The following KHNYN variants were observed in gnomAD, a reference collection of about 807,000 sequenced individuals.
KHNYN encodes the protein KH and NYN domain containing.
In KHNYN, 42 loss-of-function variants were observed where a neutral mutation model predicts 62.7. The ratio of observed to expected loss-of-function variants is 0.67; its 90% confidence interval spans 0.52 to 0.87. KHNYN has a LOEUF of 0.87. Ranked by LOEUF, KHNYN falls within the 40% of genes least tolerant of loss-of-function variation. The pLI, the probability that KHNYN is intolerant of heterozygous loss-of-function variation, is 0.00. For missense variants in KHNYN, 829 were observed against 874.1 expected (o/e 0.95, Z 0.65); for synonymous variants, 347 against 345.6 (o/e 1.00, Z -0.04).
In KHNYN at chr14:24,437,866, C is replaced by A. The variant is rs1368275082; in HGVS notation, c.*581C>A. 1 of 152,264 alleles carries A rather than the reference C, an allele frequency of 6.6e-6. No individual in the cohort carries two copies. Among genetic ancestry groups the A allele is most frequent in the Non-Finnish European group, 1.5e-5 (1 of 68,062 alleles). The allele number at this position is 152,264 out of a possible 1,614,324, so 9.4% of individuals were successfully genotyped here. ...CCTTGATTGAGTTGCTTGGGCTTTA[C>A]TTCTGCCTACAAATCAGGGGTAAAA... On this transcript the variant is annotated 3_prime_UTR_variant, in exon 8 of 8. Coordinates refer to ENST00000553935, the MANE Select transcript of KHNYN (RefSeq NM_015299.3). This position sits in a 1 kb window ranked among gnomAD's most constrained non-coding sequence, Gnocchi z 5.5.
chr14:24,428,886 C>T, upstream of KHNYN: 1 of 1,596,464 alleles, frequency 6.3e-7, no homozygotes, highest in Non-Finnish European at 8.5e-7. Flanking sequence ...CCGGGCCCCC[C>T]TGCAGCAGCT....
upstream of KHNYN, among the ~76,000 whole-genome samples, chr14:24,428,601 C>T (rs1010219480): frequency 8.7e-5 from 13 of 150,158 alleles, no homozygotes; most frequent in African/African-American, 2.5e-4. Context: ...GAGGGGAAAC[C>T]GTCGGTGGGG....
At chr14:24,423,185 AAGG>A in the KHNYN span, among the ~76,000 whole-genome samples, 2 of 152,164 alleles carry the variant, frequency 1.3e-5, no homozygotes, top group African/African-American at 4.8e-5. Context: ...ATTTTGCTTT[AAGG>A]AGGAGATGAG....
rs2043339960 is a variant in KHNYN, at chr14:24,441,603, C to G, written c.*4318C>G. 1.1e-5 allele frequency: 14 copies of G among 1,323,222 alleles called. No homozygotes were observed. Among genetic ancestry groups the G allele is most frequent in the Non-Finnish European group, 1.4e-5 (13 of 957,342 alleles). The allele number at this position is 1,323,222 out of a possible 1,614,324, so 82.0% of individuals were successfully genotyped here. A position where few individuals can be genotyped will look rare whatever the true frequency, so the allele number is the denominator to read the frequency against. ...GAAAAGACCAGTGCTCTGGTGTGTG[C>G]ATAGCTACAGAGGTCTGAGTTACCC... On this transcript the variant is annotated 3_prime_UTR_variant, in exon 8 of 8. Coordinates refer to ENST00000553935, the MANE Select transcript of KHNYN (RefSeq NM_015299.3).
the KHNYN span, among the ~76,000 whole-genome samples, chr14:24,423,490 TGTG>T: frequency 6.7e-6 from 1 of 149,360 alleles, no homozygotes; most frequent in African/African-American, 2.5e-5. Flanking sequence ...AGTTTGTAAG[TGTG>T]GTGGTGGGCA....
Position 24,441,641 on chromosome 14 carries a change from G to A in KHNYN, c.*4356G>A. On this transcript the variant is annotated 3_prime_UTR_variant, in exon 8 of 8. Coordinates refer to ENST00000553935, the MANE Select transcript of KHNYN (RefSeq NM_015299.3). ...GTCTGAGTTACCCCGTTCCCCTGGCGAATATAAGGGGCTGGTGATTTGGGG... is the reference window on the plus strand; with the variant it reads ...GTCTGAGTTACCCCGTTCCCCTGGCAAATATAAGGGGCTGGTGATTTGGGG... 7.7e-6 allele frequency: 12 copies of A among 1,551,432 alleles called. No individual in the cohort carries two copies. The highest frequency in any genetic ancestry group is 2.2e-5 in the East Asian group (1 of 44,514).
At chr14:24,435,651 C>A (rs1340178736) in intron 5 of KHNYN, 1 of 194,098 alleles carries the variant, frequency 5.2e-6, no homozygotes, top group African/African-American at 2.4e-5. Context: ...AGAGCTAGAT[C>A]TTACTGTTTA....
At position 24,431,067 on chromosome 14, in the gene KHNYN, A is replaced by G. The variant is rs2043102708; in HGVS notation, c.201+136A>G. On this transcript the variant is annotated intron_variant, in intron 2 of 7. Coordinates refer to ENST00000553935, the MANE Select transcript of KHNYN (RefSeq NM_015299.3). ...CCACTTCTTGGTTGTCTCACTGGCA[A>G]CCTCAGTGCCCCTGAGTTTTGAGGG... 5 of 766,486 alleles carry G rather than the reference A, an allele frequency of 6.5e-6. No homozygotes were observed. In the Admixed American group the frequency reaches 1.2e-4, roughly 18 times the overall value. The allele number at this position is 766,486 out of a possible 1,614,324, so 47.5% of individuals were successfully genotyped here.
chr14:24,426,675 T>C (rs978450646), upstream of KHNYN: 9 of 152,194 alleles, frequency 5.9e-5, no homozygotes, highest in African/African-American at 2.2e-4. Context: ...CATTCTCTAG[T>C]TGTTTTATTG....
upstream of KHNYN, chr14:24,428,155 G>A: frequency 1.4e-6 from 2 of 1,381,690 alleles, no homozygotes; most frequent in East Asian, 2.3e-5. Context: ...TGCAAGGCAG[G>A]CCCATTCCTC....
upstream of KHNYN, among the ~76,000 whole-genome samples, chr14:24,425,806 T>C (rs1458794436): frequency 6.6e-6 from 1 of 152,220 alleles, no homozygotes; most frequent in Non-Finnish European, 1.5e-5. Context: ...GACTAATCCA[T>C]TGTCTTATAA....
chr14:24,430,243 C>A, intron 1 of KHNYN, 124 bp downstream of exon 1: 1 of 821,952 alleles, frequency 1.2e-6, no homozygotes, highest in Non-Finnish European at 1.5e-6. Flanking sequence ...GCCCCTGGGC[C>A]CTGGGCGGTG....
rs1366676641 is a variant in KHNYN, at chr14:24,439,413, G to C, written c.*2128G>C. 6.6e-6 allele frequency: 1 copy of C among 152,230 alleles called. No homozygotes were observed. The highest frequency in any genetic ancestry group is 2.4e-5 in the African/African-American group (1 of 41,438). 9.4% of individuals were successfully genotyped at this position (152,230 alleles called of 1,614,324 possible). A position where few individuals can be genotyped will look rare whatever the true frequency, so the allele number is the denominator to read the frequency against. Reference sequence around the variant, plus strand: ...CAGCCTGATAAACTGGGACCACTGTGTGGTTAGTAATGCACTTGCCATTTG... The same window carrying C: ...CAGCCTGATAAACTGGGACCACTGTCTGGTTAGTAATGCACTTGCCATTTG... On this transcript the variant is annotated 3_prime_UTR_variant, in exon 8 of 8. Transcript: ENST00000553935.
In KHNYN at chr14:24,431,846, G is replaced by A. The variant is rs764036065; in HGVS notation, c.585G>A (p.Gln195=). The A allele has an allele frequency of 1.9e-6, 3 of 1,614,068 alleles. No individual in the cohort carries two copies. In the East Asian group the frequency reaches 6.7e-5, roughly 36 times the overall value. ...AVQEELLSLV[Q]EASSGQGPGA... ...AGGAGGAGCTGCTGAGTCTGGTGCA[G>A]GAGGCGTCTAGTGGGCAGGGGCCAG... Residue 195 remains glutamine, a synonymous_variant, in exon 3 of 8, where the codon CAG becomes CAA. Transcript: ENST00000553935.
chr14:24,423,858 G>C, the KHNYN span, among the ~76,000 whole-genome samples: 1 of 152,162 alleles, frequency 6.6e-6, no homozygotes, highest in Non-Finnish European at 1.5e-5. Flanking sequence ...AGGAGCTTTT[G>C]GTACCTGGAG....
intron 2 of KHNYN, among the ~76,000 whole-genome samples, chr14:24,431,203 C>G (rs920870124): frequency 1.1e-4 from 16 of 152,198 alleles, no homozygotes; most frequent in African/African-American, 3.9e-4. Flanking sequence ...TCTGGCTGAA[C>G]AAGTTGGCCC....
upstream of KHNYN, among the ~76,000 whole-genome samples, chr14:24,425,231 T>C (rs1203460758): frequency 6.6e-6 from 1 of 152,136 alleles, no homozygotes; most frequent in African/African-American, 2.4e-5. Context: ...AACTTCTAGT[T>C]GTCTTCCCCA....
At position 24,432,466 on chromosome 14, in the gene KHNYN, G is replaced by A. The variant is rs773473145; in HGVS notation, c.1205G>A (p.Arg402Gln). ...MARGRGPQWK[R>Q]GARGGNLVTG... ...CGGGGTCGGGGGCCTCAATGGAAACGAGGCGCCCGAGGGGGCAACTTGGTG... is the reference window on the plus strand; with the variant it reads ...CGGGGTCGGGGGCCTCAATGGAAACAAGGCGCCCGAGGGGGCAACTTGGTG... Residue 402 changes from arginine (R) to glutamine (Q), a missense_variant, in exon 3 of 8, where the codon CGA (arginine) becomes CAA (glutamine). Physicochemically the swap from Arg to Gln is conservative, Grantham distance 43. Coordinates refer to ENST00000553935, the MANE Select transcript of KHNYN (RefSeq NM_015299.3). This position sits in a 1 kb window ranked among gnomAD's most constrained non-coding sequence, Gnocchi z 5.6. 11 of 1,613,308 alleles carry A rather than the reference G, an allele frequency of 6.8e-6. No homozygotes were observed. The highest frequency in any genetic ancestry group is 1.7e-5 in the Admixed American group (1 of 59,996).
At chr14:24,429,726 T>G, upstream of KHNYN, 1 of 985,258 alleles carries the variant, frequency 1.0e-6, no homozygotes, top group Non-Finnish European at 1.2e-6. Context: ...AACGCATGGT[T>G]CCCCTTTCCG....
Sources: allele counts gnomAD v4.1 joint callset (sites outside exome capture counted in the v4.1 genomes callset), GRCh38; gene constraint gnomAD v4.1.1; non-coding constraint Gnocchi (gnomAD v3.1); transcripts MANE v1.5; gene names NCBI Gene and HGNC (gene_info 2026-07-23, HGNC 2026-07-21).